Variants in KPNA6 observed in about 807,000 individuals in gnomAD.
The protein encoded by KPNA6 is importin subunit alpha-7.
A neutral mutation model predicts 72.0 loss-of-function variants in KPNA6; 9 were observed. The ratio of observed to expected loss-of-function variants is 0.13; its 90% CI spans 0.08 to 0.22. KPNA6 has a LOEUF of 0.22. Ranked by LOEUF, KPNA6 falls within the 10% of genes least tolerant of loss-of-function variation. The probability of loss-of-function intolerance (pLI) is 1.00; values close to 1 mark genes in which losing one functional copy is unlikely to be tolerated. For missense variants in KPNA6, 374 were observed against 655.7 expected (o/e 0.57, Z 4.69); for synonymous variants, 219 against 242.1 (o/e 0.90, Z 0.89).
chr1:32,129,354 T>C lies in KPNA6; in HGVS notation c.4+21220T>C, dbSNP rs113949605. 2.0e-4 allele frequency among the ~76,000 whole-genome samples: 30 copies of C among 151,060 alleles called. 1 individual carries two copies. Among genetic ancestry groups the C allele is most frequent in the African/African-American group, 7.0e-4 (29 of 41,144 alleles). ...TTTTTGTATTTTTTTTTAGTAGGGG[T>C]GGGGTTTCGCCATGTTGCCCAGGCT... On this transcript the variant is annotated intron_variant, in intron 1 of 13. Transcript: ENST00000373625.
At chr1:32,153,873 G>A (rs1304112808) in intron 1 of KPNA6, among the ~76,000 whole-genome samples, 1 of 152,130 alleles carries the variant, frequency 6.6e-6, no homozygotes, top group Non-Finnish European at 1.5e-5. Flanking sequence ...TTGGCTGGAC[G>A]TGGTTGCTCA....
intron 1 of KPNA6, among the ~76,000 whole-genome samples, chr1:32,131,626 A>G (rs1641638885): frequency 6.6e-6 from 1 of 151,748 alleles, no homozygotes; most frequent in African/African-American, 2.4e-5. Flanking sequence ...ATATATACAT[A>G]TATACATATA....
At chr1:32,139,787 C>G (rs969330291) in intron 1 of KPNA6, among the ~76,000 whole-genome samples, 3 of 152,104 alleles carry the variant, frequency 2.0e-5, no homozygotes, top group Non-Finnish European at 4.4e-5. Flanking sequence ...AGTGATAGGT[C>G]AGGAATTTGC....
At position 32,170,835 on chromosome 1, in the gene KPNA6, A is replaced by C. The variant is rs763471896; in HGVS notation, c.1552A>C (p.Thr518Pro). The C allele has an allele frequency of 1.9e-6, 3 of 1,614,188 alleles. No individual in the cohort carries two copies. The highest frequency in any genetic ancestry group is 1.1e-5 in the South Asian group (1 of 91,086). The part of the protein sequence containing the change: ...DSSLAPQVDE[T>P]QQQFIFQQPE... Reference sequence around the variant, plus strand: ...CAGCCTGGCTCCCCAAGTCGATGAAACGCAACAGCAGTTCATCTTCCAGCA... The same window carrying C: ...CAGCCTGGCTCCCCAAGTCGATGAACCGCAACAGCAGTTCATCTTCCAGCA... The change falls in exon 14 of 14, where the codon ACG becomes CCG. Residue 518 changes from threonine to proline, a missense_variant. By Grantham distance (38) the Thr-to-Pro change is conservative. Transcript: ENST00000373625.
chr1:32,133,884 A>T (rs1462818460), intron 1 of KPNA6, among the ~76,000 whole-genome samples: 1 of 151,730 alleles, frequency 6.6e-6, no homozygotes. Flanking sequence ...TACTAAAAAT[A>T]CAAAAATTAG....
At chr1:32,119,126 G>A (rs996597302) in intron 1 of KPNA6, among the ~76,000 whole-genome samples, 1 of 148,068 alleles carries the variant, frequency 6.8e-6, no homozygotes, top group African/African-American at 2.5e-5. Context: ...CACCTCCTGG[G>A]TTCAAGCGAT....
At position 32,156,042 on chromosome 1, in the gene KPNA6, C is replaced by G. The variant is rs994930162; in HGVS notation, c.139-811C>G. Among the ~76,000 whole-genome samples, 3 of 150,878 alleles carry G rather than the reference C, an allele frequency of 2.0e-5. No homozygotes were observed. In the Admixed American group the frequency reaches 2.0e-4, roughly 10 times the overall value. On this transcript the variant is annotated intron_variant, in intron 2 of 13. Transcript: ENST00000373625. The stretch of plus-strand genomic sequence containing the variant: ...AGAGTGCTGGGATTGCAGGCATGCG[C>G]CACTGTGCCTGGCCAACCTAACCTG...
rs1254398924 is a variant in KPNA6 at position 32,158,302 on chromosome 1, C to G, written c.367C>G (p.Pro123Ala). 7 of 1,613,460 alleles carry G rather than the reference C, an allele frequency of 4.3e-6. No individual in the cohort carries two copies. The highest frequency in any genetic ancestry group is 1.1e-5 in the South Asian group (1 of 91,056). Residue 123 changes from proline (P) to alanine (A), a missense_variant, in exon 5 of 14, where the codon CCA (proline) becomes GCA (alanine). This residue lies in a region of KPNA6 where 298 missense variants were observed against 495.4 expected (regional missense o/e 0.60). Coordinates refer to ENST00000373625, the MANE Select transcript of KPNA6 (RefSeq NM_012316.5). ...SPPIDEVINT[P>A]RVVDRFVEFL... is the part of the protein sequence containing the mutation. ...TCCAATAGATGAAGTTATCAACACT[C>G]CAAGAGTGGTGGATCGGTTCGTGGA...
At chr1:32,131,238 G>C (rs572708272) in intron 1 of KPNA6, among the ~76,000 whole-genome samples, 4 of 152,222 alleles carry the variant, frequency 2.6e-5, no homozygotes, top group Non-Finnish European at 2.9e-5. Context: ...AGGTTGCAGT[G>C]AGCCGAGATT....
intron 1 of KPNA6, among the ~76,000 whole-genome samples, chr1:32,114,452 AT>A (rs377260407): frequency 0.087 from 12,045 of 138,886 alleles, 613 homozygotes; most frequent in South Asian, 0.24. Context: ...AAAAAAAAAA[AT>A]ATATATATAT....
intron 1 of KPNA6, among the ~76,000 whole-genome samples, chr1:32,124,177 G>A (rs1354650657): frequency 6.6e-6 from 1 of 151,820 alleles, no homozygotes; most frequent in African/African-American, 2.4e-5. Context: ...GTTTGAGACC[G>A]GCCTGAGCAA....
rs1266579071 is a variant in KPNA6, at chr1:32,173,326, C to A, written c.*2432C>A. 1 of 383,378 alleles carries A rather than the reference C, an allele frequency of 2.6e-6. No individual in the cohort carries two copies. The allele number at this position is 383,378 out of a possible 1,614,324, so 23.7% of individuals were successfully genotyped here. A position where few individuals can be genotyped will look rare whatever the true frequency, so the allele number is the denominator to read the frequency against. The stretch of plus-strand genomic sequence containing the variant: ...GTTTCTTAGTGTAAGACATACACAT[C>A]CTGCTTGTCCAGCTGTTCCTCCAAA... On this transcript the variant is annotated 3_prime_UTR_variant, in exon 14 of 14. Transcript: ENST00000373625.
At chr1:32,153,770 G>C (rs1016050785) in intron 1 of KPNA6, among the ~76,000 whole-genome samples, 9 of 152,206 alleles carry the variant, frequency 5.9e-5, no homozygotes, top group African/African-American at 2.2e-4. Flanking sequence ...ATTTGTCAGT[G>C]GCAGTACTAT....
chr1:32,127,902 T>C (rs1475236287), intron 1 of KPNA6, among the ~76,000 whole-genome samples: 1 of 152,162 alleles, frequency 6.6e-6, no homozygotes, highest in Non-Finnish European at 1.5e-5. Context: ...GTTGTAAAGC[T>C]TCCTGAAGGT....
At position 32,118,537 on chromosome 1, in the gene KPNA6, G is replaced by A. The variant is rs899010029; in HGVS notation, c.4+10403G>A. Among the ~76,000 whole-genome samples, 4 of 151,996 alleles carry A rather than the reference G, an allele frequency of 2.6e-5. No homozygotes were observed. In the East Asian group the frequency reaches 7.8e-4, roughly 29 times the overall value. On this transcript the variant is annotated intron_variant, in intron 1 of 13. Transcript: ENST00000373625. ...AGGTTAGGTGCGGTAGCTCACACTT[G>A]TATTCCTAGCACTTTGGGAGGCTCA... is the stretch of plus-strand genomic sequence containing the variant.
intron 1 of KPNA6, among the ~76,000 whole-genome samples, chr1:32,122,911 C>T (rs569038637): frequency 6.8e-6 from 1 of 147,738 alleles, no homozygotes; most frequent in Admixed American, 6.9e-5. Context: ...GAGCCGAGAT[C>T]GTGCCATTGC....
chr1:32,131,700 A>ATG (rs1216127751), intron 1 of KPNA6, among the ~76,000 whole-genome samples: 2 of 150,798 alleles, frequency 1.3e-5, no homozygotes, highest in African/African-American at 2.4e-5. Context: ...ATATATATAT[A>ATG]TATGTATGTG....
Position 32,162,321 on chromosome 1 carries a change from C to T in KPNA6, c.748-40C>T, listed in dbSNP as rs1642253623. ...GGGTTCGTGATAGAGCTGATATAGT[C>T]TTGTTCCCCTGTGAGTCTTTCTCAC... On this transcript the variant is annotated intron_variant, in intron 8 of 13. Coordinates refer to ENST00000373625, the MANE Select transcript of KPNA6 (RefSeq NM_012316.5). 14 of 1,540,360 alleles carry T rather than the reference C, an allele frequency of 9.1e-6. No homozygotes were observed. In the East Asian group the frequency reaches 3.1e-4, roughly 35 times the overall value.
intron 1 of KPNA6, among the ~76,000 whole-genome samples, chr1:32,143,598 A>G (rs1318558114): frequency 2.0e-5 from 3 of 151,708 alleles, no homozygotes; most frequent in Admixed American, 6.6e-5. Flanking sequence ...AAAAGAAAAA[A>G]AAATTATTAG....
Sources: gnomAD v4.1 joint callset for allele counts (sites outside exome capture counted in the v4.1 genomes callset) on GRCh38, gnomAD v4.1.1 for gene constraint, gnomAD v4.1.1 regional missense constraint, MANE v1.5 for transcripts, NCBI Gene and HGNC (gene_info 2026-07-23, HGNC 2026-07-21) for gene names.